KRT6B: variants seen among roughly 807,000 people sequenced by gnomAD.
KRT6B encodes the protein keratin 6B, also known as keratin, type II cytoskeletal 6B.
KRT6B carries 29 observed loss-of-function variants against 44.7 expected under a neutral mutation model. The ratio of observed to expected loss-of-function variants is 0.65; its 90% confidence interval spans 0.48 to 0.88. The LOEUF (loss-of-function observed/expected upper bound fraction) is 0.88. Ranked by LOEUF, KRT6B falls within the 40% of genes least tolerant of loss-of-function variation. The pLI, the probability that KRT6B is intolerant of heterozygous loss-of-function variation, is 0.00. For missense variants in KRT6B, 600 were observed against 724.0 expected (o/e 0.83, Z 1.97); for synonymous variants, 213 against 296.0 (o/e 0.72, Z 2.88).
chr12:52,449,694 C>G lies in KRT6B; in HGVS notation c.913-61G>C. ...CTGACATTTACAGAGATGCCCAGCC[C>G]TGTACATCTTCTCCCCTTTGCAGAC... On this transcript the variant is annotated intron_variant, in intron 4 of 8. Coordinates refer to ENST00000252252, the MANE Select transcript of KRT6B (RefSeq NM_005555.4). 3 of 1,614,192 alleles carry G rather than the reference C, an allele frequency of 1.9e-6. No homozygotes were observed. In the South Asian group the frequency reaches 3.3e-5, roughly 18 times the overall value.
chr12:52,448,818 C>T, intron 6 of KRT6B, 24 bp downstream of exon 6: 1 of 1,614,148 alleles, frequency 6.2e-7, no homozygotes, highest in Non-Finnish European at 8.5e-7. Flanking sequence ...TGATGCTTTT[C>T]TCCTCCATTG....
rs748349199 is a variant in KRT6B, at chr12:52,450,613, A to G, written c.548T>C (p.Phe183Ser). The G allele has an allele frequency of 2.5e-6, 4 of 1,614,144 alleles. No homozygotes were observed. In the South Asian group the frequency reaches 4.4e-5, roughly 18 times the overall value. ...KFASFIDKVR[F>S]LEQQNKVLDT... ...CAGAACCTTGTTCTGCTGCTCTAGG[A>G]ACCGCACCTGGAGGGGAAGCAAAAT... Residue 183 changes from phenylalanine (F) to serine (S), a missense_variant, in exon 2 of 9, where the codon TTC (phenylalanine) becomes TCC (serine). Physicochemically the swap from Phe to Ser is radical, Grantham distance 155. Coordinates refer to ENST00000252252, the MANE Select transcript of KRT6B (RefSeq NM_005555.4).
intron 5 of KRT6B, 85 bp downstream of exon 5, chr12:52,449,384 G>T: frequency 6.3e-7 from 1 of 1,593,390 alleles, no homozygotes; most frequent in Non-Finnish European, 8.6e-7. Context: ...TTCCTGTCAG[G>T]GGATGTCCCC....
At position 52,449,492 on chromosome 12, in the gene KRT6B, C is replaced by A; in HGVS notation, c.1054G>T (p.Ala352Ser). 1 of 1,614,192 alleles carries A rather than the reference C, an allele frequency of 6.2e-7. No individual in the cohort carries two copies. Among genetic ancestry groups the A allele is most frequent in the Non-Finnish European group, 8.5e-7 (1 of 1,180,042 alleles). The stretch of plus-strand genomic sequence containing the variant: ...ACCTTTGTCTGGTACCAGGACTCAG[C>A]CTCAGCCCTGCTCCTCTGAGCAATC... The part of the protein sequence containing the change: ...EEIAQRSRAE[A>S]ESWYQTKYEE... The change falls in exon 5 of 9, where the codon GCT becomes TCT. Residue 352 changes from alanine to serine, a missense_variant. Ala to Ser is a moderately conservative substitution (Grantham distance 99). This residue lies in a region of KRT6B where 479 missense variants were observed against 454.2 expected (regional missense o/e 1.05). Transcript: ENST00000252252.
chr12:52,451,403 A>C (rs1405321760), intron 1 of KRT6B, 136 bp downstream of exon 1: 1 of 1,516,530 alleles, frequency 6.6e-7, no homozygotes, highest in Non-Finnish European at 9.1e-7. Flanking sequence ...CTGTGCACCG[A>C]GAGCCACCTG....
chr12:52,447,142 C>A lies in KRT6B; in HGVS notation c.*48G>T, dbSNP rs1165784004. ...GCAACCTGAGGAGAGGGCTCTGCTG[C>A]CAGAGAGGGGCCTGAGAGCTGTGGG... On this transcript the variant is annotated 3_prime_UTR_variant, in exon 9 of 9. Coordinates refer to ENST00000252252, the MANE Select transcript of KRT6B (RefSeq NM_005555.4). 5.0e-6 allele frequency: 8 copies of A among 1,609,662 alleles called. No homozygotes were observed. The highest frequency in any genetic ancestry group is 2.2e-5 in the East Asian group (1 of 44,856).
chr12:52,450,817 C>T (rs71453301), intron 1 of KRT6B, among the ~76,000 whole-genome samples, 197 bp from the exon 2 acceptor site: 23 of 152,384 alleles, frequency 1.5e-4, no homozygotes, highest in East Asian at 5.8e-4. Flanking sequence ...AATTGTCCCA[C>T]GGACCACTGA....
chr12:52,447,086 G>A lies in KRT6B; in HGVS notation c.*104C>T. 1 of 1,446,844 alleles carries A rather than the reference G, an allele frequency of 6.9e-7. No homozygotes were observed. Among genetic ancestry groups the A allele is most frequent in the South Asian group, 1.3e-5 (1 of 79,472 alleles). 89.6% of individuals were successfully genotyped at this position (1,446,844 alleles called of 1,614,324 possible). On this transcript the variant is annotated 3_prime_UTR_variant, in exon 9 of 9. Coordinates refer to ENST00000252252, the MANE Select transcript of KRT6B (RefSeq NM_005555.4). ...GGGCATCCCAGCTCTACCCGGGAGG[G>A]CAGGGGAGACTGGAGGCCAGGGGAG...
At chr12:52,448,543 G>A (rs1371564794) in intron 6 of KRT6B, among the ~76,000 whole-genome samples, 1 of 152,094 alleles carries the variant, frequency 6.6e-6, no homozygotes, top group Non-Finnish European at 1.5e-5. Context: ...TGCCCAACTT[G>A]GTCCTTTGCA....
chr12:52,450,196 C>G (rs1031777534), intron 2 of KRT6B, 124 bp from the exon 3 acceptor site: 2 of 1,579,798 alleles, frequency 1.3e-6, no homozygotes, highest in African/African-American at 2.7e-5. Flanking sequence ...CCACAGAGAG[C>G]CAAAGAGATG....
chr12:52,449,142 C>G (rs376215633), intron 5 of KRT6B, among the ~76,000 whole-genome samples, 175 bp from the exon 6 acceptor site: 1,545 of 152,126 alleles, frequency 0.01, 19 homozygotes, highest in African/African-American at 0.035. Context: ...AGTCACAGAC[C>G]ATCCTTATTA....
intron 5 of KRT6B, among the ~76,000 whole-genome samples, 193 bp downstream of exon 5, chr12:52,449,276 T>C (rs1017973543): frequency 6.6e-6 from 1 of 152,234 alleles, no homozygotes; most frequent in Non-Finnish European, 1.5e-5. Flanking sequence ...GTAGCTTGCC[T>C]CCTGCATTGG....
rs1940414257 is a variant in KRT6B, at chr12:52,451,958, A to G, written c.121T>C (p.Ser41Pro). Reference sequence around the variant, plus strand: ...CCACCCAGGCCACCACTGCCCCTGGAGCGGGACACGGAGATGCTGCTGAAG... The same window carrying G: ...CCACCCAGGCCACCACTGCCCCTGGGGCGGGACACGGAGATGCTGCTGAAG... ...SGFSSISVSR[S>P]RGSGGLGGAC... The change falls in exon 1 of 9, where the codon TCC becomes CCC. Residue 41 changes from serine (S) to proline (P), a missense_variant. Ser to Pro is a moderately conservative substitution (Grantham distance 74, BLOSUM62 -1). Around this residue, in one of 4 missense-constraint regions of KRT6B, gnomAD observed 78 missense variants for 97.5 expected, o/e 0.80. Transcript: ENST00000252252. 2.5e-6 allele frequency: 4 copies of G among 1,613,412 alleles called. No individual in the cohort carries two copies. In the East Asian group the frequency reaches 8.9e-5, roughly 36 times the overall value.
At chr12:52,451,185 A>G in intron 1 of KRT6B, among the ~76,000 whole-genome samples, 1 of 150,932 alleles carries the variant, frequency 6.6e-6, no homozygotes, top group East Asian at 1.9e-4. Context: ...CCTCTTACCC[A>G]GACCCCAGAG....
At chr12:52,449,692 C>T (rs1208956319) in intron 4 of KRT6B, 59 bp from the exon 5 acceptor site, 18 of 1,614,064 alleles carry the variant, frequency 1.1e-5, no homozygotes, top group Admixed American at 1.7e-5. Flanking sequence ...AGATGCCCAG[C>T]CCTGTACATC....
rs71453292 is a variant in KRT6B, at chr12:52,450,474, C to G, written c.687G>C (p.Val229=). ...CCGAGTCCAGACGACCCCGTTCCCC[C>G]ACGATGTTGTCCAGCTGCCTCCTGA... The part of the protein sequence containing the change: ...NNLRRQLDNI[V]GERGRLDSEL... The change falls in exon 2 of 9, where the codon GTG becomes GTC. Residue 229 remains valine, a synonymous_variant. Coordinates refer to ENST00000252252, the MANE Select transcript of KRT6B (RefSeq NM_005555.4). 8.7e-6 allele frequency: 14 copies of G among 1,614,150 alleles called. No homozygotes were observed. Among genetic ancestry groups the G allele is most frequent in the African/African-American group, 2.7e-5 (2 of 74,998 alleles).
intron 6 of KRT6B, 134 bp downstream of exon 6, chr12:52,448,708 C>A (rs1232687373): frequency 9.0e-6 from 13 of 1,442,122 alleles, no homozygotes; most frequent in African/African-American, 1.4e-5. Flanking sequence ...TCTCACTGAG[C>A]CTAGGAACTG....
chr12:52,447,099 G>A lies in KRT6B; in HGVS notation c.*91C>T. The A allele has an allele frequency of 6.5e-7, 1 of 1,538,552 alleles. No homozygotes were observed. The highest frequency in any genetic ancestry group is 8.9e-7 in the Non-Finnish European group (1 of 1,126,662). ...CTACCCGGGAGGGCAGGGGAGACTGGAGGCCAGGGGAGGACAAGCAACCTG... is the reference window on the plus strand; with the variant it reads ...CTACCCGGGAGGGCAGGGGAGACTGAAGGCCAGGGGAGGACAAGCAACCTG... On this transcript the variant is annotated 3_prime_UTR_variant, in exon 9 of 9. Coordinates refer to ENST00000252252, the MANE Select transcript of KRT6B (RefSeq NM_005555.4).
chr12:52,448,121 A>C, intron 6 of KRT6B, 123 bp from the exon 7 acceptor site: 1 of 1,253,652 alleles, frequency 8.0e-7, no homozygotes, highest in Non-Finnish European at 1.1e-6. Flanking sequence ...ATGAGCTCTG[A>C]CTCTTCCTGT....
Sources: gnomAD v4.1 joint callset for allele counts (sites outside exome capture counted in the v4.1 genomes callset) on GRCh38, gnomAD v4.1.1 for gene constraint, gnomAD v4.1.1 regional missense constraint, MANE v1.5 for transcripts, NCBI Gene and HGNC (gene_info 2026-07-23, HGNC 2026-07-21) for gene names.